Variants in METTL15 observed in about 807,000 individuals in gnomAD.
METTL15 encodes 12S rRNA N(4)-cytidine methyltransferase METTL15.
In METTL15, 34 loss-of-function variants were observed where a neutral mutation model predicts 38.3. The ratio of observed to expected loss-of-function variants is 0.89; its 90% CI spans 0.68 to 1.18. The LOEUF (loss-of-function observed/expected upper bound fraction) is 1.18. Ranked by LOEUF, METTL15 falls within the 50% of genes most tolerant of loss-of-function variation. The pLI is 0.00. For synonymous variants in METTL15, 162 were observed against 170.9 expected (o/e 0.95, Z 0.41); for missense variants, 438 against 498.4 (o/e 0.88, Z 1.15).
intron 3 of METTL15, among the ~76,000 whole-genome samples, chr11:28,131,467 A>G (rs1849333054): frequency 1.4e-5 from 2 of 146,230 alleles, no homozygotes; most frequent in African/African-American, 2.5e-5. Flanking sequence ...TAACTAAATT[A>G]GCATTTTTCT....
intron 6 of METTL15, among the ~76,000 whole-genome samples, chr11:28,321,313 A>G (rs1349599186): frequency 6.6e-6 from 1 of 152,172 alleles, no homozygotes; most frequent in African/African-American, 2.4e-5. Context: ...ACCCCACATC[A>G]AATAGCCATA....
intron 6 of METTL15, among the ~76,000 whole-genome samples, chr11:28,492,909 A>C (rs1212403752): frequency 6.6e-6 from 1 of 152,166 alleles, no homozygotes; most frequent in Non-Finnish European, 1.5e-5. Flanking sequence ...TGAGTAGCTC[A>C]GGCATACATA....
At chr11:28,163,643 T>C in intron 3 of METTL15, 1 of 392,808 alleles carries the variant, frequency 2.5e-6, no homozygotes, top group Non-Finnish European at 4.5e-6. Context: ...ATCTATTTAA[T>C]TTTCCCCCAG....
intron 4 of METTL15, among the ~76,000 whole-genome samples, chr11:28,242,021 C>T (rs1056056103): frequency 2.6e-5 from 4 of 152,156 alleles, no homozygotes; most frequent in Admixed American, 2.0e-4. Flanking sequence ...ATGTTGAGTA[C>T]ACTCTCAAGG....
At chr11:28,162,427 A>G (rs1240893253) in intron 3 of METTL15, among the ~76,000 whole-genome samples, 2 of 152,162 alleles carry the variant, frequency 1.3e-5, no homozygotes, top group African/African-American at 2.4e-5. Flanking sequence ...TGGTTATTCA[A>G]TAATGTTGCA....
At chr11:28,514,863 A>G (rs1389351027) in intron 6 of METTL15, among the ~76,000 whole-genome samples, 1 of 152,202 alleles carries the variant, frequency 6.6e-6, no homozygotes, top group Non-Finnish European at 1.5e-5. Flanking sequence ...AATGCAAAAC[A>G]AGGGACTAGA....
At chr11:28,367,844 G>A (rs968033872) in intron 5 of METTL15, among the ~76,000 whole-genome samples, 1 of 152,094 alleles carries the variant, frequency 6.6e-6, no homozygotes, top group Non-Finnish European at 1.5e-5. Context: ...AAGCAATGGG[G>A]AAAAGATTCA....
intron 3 of METTL15, among the ~76,000 whole-genome samples, chr11:28,175,115 A>G (rs1851014953): frequency 1.3e-5 from 2 of 148,598 alleles, no homozygotes; most frequent in African/African-American, 5.0e-5. Context: ...ACCCCACAAC[A>G]GGCCCCGATG....
chr11:28,152,964 G>A (rs1033573057), intron 3 of METTL15, among the ~76,000 whole-genome samples: 8 of 152,060 alleles, frequency 5.3e-5, no homozygotes, highest in African/African-American at 1.7e-4. Context: ...GTAACTTCAT[G>A]ACGTTGCCAT....
At chr11:28,299,114 A>T (rs1400761014) in intron 6 of METTL15, among the ~76,000 whole-genome samples, 1 of 152,142 alleles carries the variant, frequency 6.6e-6, no homozygotes, top group African/African-American at 2.4e-5. Context: ...AAATTTGATA[A>T]AAGCAGATAA....
intron 5 of METTL15, among the ~76,000 whole-genome samples, chr11:28,401,075 C>T (rs868630587): frequency 2.6e-5 from 4 of 151,956 alleles, no homozygotes; most frequent in South Asian, 2.1e-4. Context: ...TTGTATTTGG[C>T]GTAATTCTTC....
At chr11:28,127,358 CT>C (rs943529244) in intron 3 of METTL15, among the ~76,000 whole-genome samples, 8 of 151,608 alleles carry the variant, frequency 5.3e-5, no homozygotes, top group African/African-American at 1.9e-4. Flanking sequence ...GACTAGGTTG[CT>C]TAAAAAAAAA....
At chr11:28,357,288 T>C (rs960414682) in intron 4 of METTL15, among the ~76,000 whole-genome samples, 1 of 152,206 alleles carries the variant, frequency 6.6e-6, no homozygotes, top group African/African-American at 2.4e-5. Flanking sequence ...GGAGAAGATA[T>C]TACCAAATAG....
At chr11:28,365,700 G>T (rs1358971765) in intron 5 of METTL15, among the ~76,000 whole-genome samples, 4 of 152,118 alleles carry the variant, frequency 2.6e-5, no homozygotes, top group African/African-American at 9.7e-5. Flanking sequence ...GTGAAAAAAT[G>T]TATGAGGGAT....
chr11:28,128,468 A>G (rs1171409164), intron 3 of METTL15, among the ~76,000 whole-genome samples: 4 of 152,182 alleles, frequency 2.6e-5, no homozygotes, highest in Non-Finnish European at 2.9e-5. Flanking sequence ...AACATTATGT[A>G]TGTATGTTAT....
At chr11:28,391,748 A>G (rs1850510910) in intron 5 of METTL15, among the ~76,000 whole-genome samples, 1 of 152,214 alleles carries the variant, frequency 6.6e-6, no homozygotes, top group Admixed American at 6.5e-5. Flanking sequence ...GTGCTGGGAA[A>G]ACTGGCTAGC....
At chr11:28,119,919 T>C (rs147857605) in intron 3 of METTL15, among the ~76,000 whole-genome samples, 50 of 152,310 alleles carry the variant, frequency 3.3e-4, no homozygotes, top group Admixed American at 3.2e-3. Context: ...TTCTAAGGAA[T>C]AGGACCAATG....
chr11:28,147,585 C>T (rs1849931126), intron 3 of METTL15, among the ~76,000 whole-genome samples: 2 of 151,730 alleles, frequency 1.3e-5, no homozygotes, highest in African/African-American at 4.8e-5. Context: ...TGATGGGATA[C>T]AGTATATGAT....
At chr11:28,472,778 A>C (rs1159076124) in intron 6 of METTL15, among the ~76,000 whole-genome samples, 1 of 152,218 alleles carries the variant, frequency 6.6e-6, no homozygotes, top group African/African-American at 2.4e-5. Flanking sequence ...ACTGCCAATA[A>C]AATGAAATAA....
Sources: allele counts gnomAD v4.1 joint callset (sites outside exome capture counted in the v4.1 genomes callset), GRCh38; gene constraint gnomAD v4.1.1; transcripts MANE v1.5; gene names NCBI Gene and HGNC (gene_info 2026-07-23, HGNC 2026-07-21).